SHISA9: variants seen among roughly 807,000 people sequenced by gnomAD.
SHISA9 encodes protein shisa-9.
SHISA9 carries 13 observed loss-of-function variants against 38.0 expected under a neutral mutation model. That is an observed-to-expected ratio of 0.34 (90% CI 0.22 to 0.54). SHISA9 has a LOEUF of 0.54. SHISA9 is among the 20% of genes least tolerant of loss of function. SHISA9 has a pLI of 0.91. For synonymous variants in SHISA9, 275 were observed against 242.0 expected, an observed-to-expected ratio of 1.14 and a Z score of -1.27; for missense variants, 538 against 575.8, an observed-to-expected ratio of 0.93 and a Z score of 0.67.
the SHISA9 span, among the ~76,000 whole-genome samples, chr16:13,491,817 C>CTTTTT: frequency 3.2e-4 from 15 of 46,926 alleles, no homozygotes; most frequent in African/African-American, 6.7e-4. Context: ...TATTTATTGA[C>CTTTTT]CTTTTTTTTT....
chr16:13,158,992 G>A (rs1295752794), intron 2 of SHISA9, among the ~76,000 whole-genome samples: 6 of 151,118 alleles, frequency 4.0e-5, no homozygotes, highest in Non-Finnish European at 8.8e-5. Flanking sequence ...CCCAGGAGGC[G>A]GAGGTTGCAA....
At chr16:13,273,824 T>C in the SHISA9 span, among the ~76,000 whole-genome samples, 2 of 152,148 alleles carry the variant, frequency 1.3e-5, no homozygotes, top group East Asian at 3.9e-4. Flanking sequence ...CCTCAGAAAC[T>C]TAAGAATCTC....
At chr16:12,983,222 A>T (rs2072263499) in intron 2 of SHISA9, among the ~76,000 whole-genome samples, 2 of 152,196 alleles carry the variant, frequency 1.3e-5, no homozygotes, top group South Asian at 4.1e-4. Context: ...GACAGAGCTT[A>T]TGTGGCTTGT....
chr16:13,174,618 G>C (rs534018810), intron 2 of SHISA9, among the ~76,000 whole-genome samples: 32 of 152,334 alleles, frequency 2.1e-4, no homozygotes, highest in Non-Finnish European at 4.1e-4. Flanking sequence ...GGAGGGATGA[G>C]GTGATGGAGA....
chr16:13,126,907 A>AGAAG (rs2050263314), intron 2 of SHISA9, among the ~76,000 whole-genome samples: 1 of 142,482 alleles, frequency 7.0e-6, no homozygotes. Context: ...AAAGAAGGAG[A>AGAAG]GAGAGAGAGA....
At chr16:13,379,751 A>G in the SHISA9 span, among the ~76,000 whole-genome samples, 19 of 152,078 alleles carry the variant, frequency 1.2e-4, no homozygotes, top group Admixed American at 3.9e-4. Context: ...CTGTTATCAA[A>G]TGCCTTTCTT....
the SHISA9 span, among the ~76,000 whole-genome samples, chr16:13,328,961 A>G: frequency 2.0e-5 from 3 of 152,154 alleles, no homozygotes; most frequent in Admixed American, 6.5e-5. Flanking sequence ...GACATAGACA[A>G]GCGAGCTGGA....
the SHISA9 span, among the ~76,000 whole-genome samples, chr16:13,447,650 A>T: frequency 6.6e-6 from 1 of 152,260 alleles, no homozygotes; most frequent in African/African-American, 2.4e-5. Context: ...GGAGATAGAC[A>T]TGCATTATAA....
the SHISA9 span, among the ~76,000 whole-genome samples, chr16:13,466,810 T>C: frequency 1.3e-5 from 2 of 152,240 alleles, no homozygotes; most frequent in Admixed American, 6.5e-5. Context: ...TTTTACATTA[T>C]AGCATTTAGG....
chr16:13,193,397 G>A (rs1394571692), intron 2 of SHISA9, among the ~76,000 whole-genome samples: 1 of 152,072 alleles, frequency 6.6e-6, no homozygotes. Flanking sequence ...TGTTGCTCAG[G>A]CTGGAGCACA....
intron 2 of SHISA9, among the ~76,000 whole-genome samples, chr16:13,000,948 G>C (rs1432827945): frequency 6.6e-6 from 1 of 151,982 alleles, no homozygotes; most frequent in Non-Finnish European, 1.5e-5. Context: ...TTGTTTTTTT[G>C]AGATGGAGTC....
Position 12,917,696 on chromosome 16 carries a change from T to C in SHISA9, c.691+881T>C, listed in dbSNP as rs564365870. Among the ~76,000 whole-genome samples the C allele has an allele frequency of 5.3e-5, 8 of 152,312 alleles. No homozygotes were observed. The South Asian group carries it at 1.7e-3, about 32-fold the overall frequency. On this transcript the variant is annotated intron_variant, in intron 2 of 4. Coordinates refer to ENST00000558583, the MANE Select transcript of SHISA9 (RefSeq NM_001145204.3). ...TTTTCAAGTAACCCCCACATTAAAG[T>C]AATGTGGAGGGTTTGGTTTAAAATA...
intron 2 of SHISA9, among the ~76,000 whole-genome samples, chr16:12,948,929 C>A (rs946599100): frequency 3.3e-5 from 5 of 152,192 alleles, no homozygotes; most frequent in Non-Finnish European, 7.3e-5. Context: ...ATATTATATA[C>A]CTTTGTAATA....
At chr16:13,174,582 C>A (rs1411866121) in intron 2 of SHISA9, among the ~76,000 whole-genome samples, 1 of 152,172 alleles carries the variant, frequency 6.6e-6, no homozygotes, top group Non-Finnish European at 1.5e-5. Context: ...GAAAGAATCT[C>A]CAGGACTGGA....
intron 2 of SHISA9, among the ~76,000 whole-genome samples, chr16:13,160,695 C>T (rs559836470): frequency 6.6e-6 from 1 of 152,296 alleles, no homozygotes; most frequent in South Asian, 2.1e-4. Flanking sequence ...TTTTAACACC[C>T]CCCAGGGGCT....
chr16:13,028,358 A>G lies in SHISA9; in HGVS notation c.691+111543A>G, dbSNP rs185396444. On this transcript the variant is annotated intron_variant, in intron 2 of 4. Coordinates refer to ENST00000558583, the MANE Select transcript of SHISA9 (RefSeq NM_001145204.3). ...CTGTTTTCATGCTGCTGATAAAGAC[A>G]TACCGAGACTGGGCAATTTATAAAG... 4.6e-5 allele frequency among the ~76,000 whole-genome samples: 7 copies of G among 152,304 alleles called. No homozygotes were observed. The East Asian group carries it at 7.7e-4, about 17-fold the overall frequency.
At position 12,934,135 on chromosome 16, in the gene SHISA9, A is replaced by G. The variant is rs564480402; in HGVS notation, c.691+17320A>G. Among the ~76,000 whole-genome samples the G allele has an allele frequency of 7.9e-5, 12 of 152,314 alleles. No homozygotes were observed. The South Asian group carries it at 2.5e-3, about 32-fold the overall frequency. ...GCTTGTGGAAGTCCAGTGGGGCTGA[A>G]GTCTGGCAAGGGAGGGGATGAGATT... On this transcript the variant is annotated intron_variant, in intron 2 of 4. Coordinates refer to ENST00000558583, the MANE Select transcript of SHISA9 (RefSeq NM_001145204.3).
the SHISA9 span, among the ~76,000 whole-genome samples, chr16:13,274,736 T>C: frequency 6.6e-6 from 1 of 152,130 alleles, no homozygotes; most frequent in African/African-American, 2.4e-5. Context: ...GAAAAAGTCA[T>C]TCATGTTGCC....
chr16:13,216,184 C>CAAA (rs929173872), intron 4 of SHISA9, among the ~76,000 whole-genome samples: 1 of 113,036 alleles, frequency 8.8e-6, no homozygotes, highest in Non-Finnish European at 1.8e-5. Context: ...GAGACTCTGT[C>CAAA]AAAAAAAAAA....
Sources: gnomAD v4.1 joint callset for allele counts (sites outside exome capture counted in the v4.1 genomes callset) on GRCh38, gnomAD v4.1.1 for gene constraint, MANE v1.5 for transcripts, NCBI Gene and HGNC (gene_info 2026-07-23, HGNC 2026-07-21) for gene names.